The following HPCAL1 variants were observed in gnomAD, a reference collection of about 807,000 sequenced individuals.
HPCAL1 encodes the protein hippocalcin-like protein 1.
HPCAL1 carries 8 observed loss-of-function variants against 17.1 expected under a neutral mutation model. The observed-to-expected ratio is 0.47, with a 90% CI of 0.27 to 0.84. The LOEUF is 0.84. HPCAL1 is among the 40% of genes least tolerant of loss of function. HPCAL1 has a pLI of 0.13. For synonymous variants in HPCAL1, 112 were observed against 111.4 expected (o/e 1.01, Z -0.03); for missense variants, 165 against 271.1 (o/e 0.61, Z 2.75).
chr2:10,412,368 G>A (rs1232053923), intron 2 of HPCAL1, among the ~76,000 whole-genome samples: 3 of 152,222 alleles, frequency 2.0e-5, no homozygotes, highest in East Asian at 1.9e-4. Flanking sequence ...ATTGACTGCA[G>A]GCTGTGGTTC....
chr2:10,422,014 C>G (rs1455030079), intron 3 of HPCAL1, among the ~76,000 whole-genome samples: 2 of 152,120 alleles, frequency 1.3e-5, no homozygotes, highest in African/African-American at 4.8e-5. Context: ...TAACCCTTAC[C>G]CTTTGCAAAT....
At chr2:10,314,099 A>G (rs10210721) in intron 1 of HPCAL1, among the ~76,000 whole-genome samples, 6,483 of 149,528 alleles carry the variant, frequency 0.043, 477 homozygotes, top group African/African-American at 0.15. Context: ...GAGCCACTAC[A>G]CTCCAGCCTG....
intron 1 of HPCAL1, among the ~76,000 whole-genome samples, chr2:10,387,095 G>C (rs1345634317): frequency 6.6e-6 from 1 of 152,242 alleles, no homozygotes; most frequent in African/African-American, 2.4e-5. Context: ...TGGGGGGATG[G>C]TCTGTACCTG....
chr2:10,409,782 T>G (rs371581623), intron 2 of HPCAL1, among the ~76,000 whole-genome samples: 8 of 77,290 alleles, frequency 1.0e-4, no homozygotes, highest in African/African-American at 4.5e-4. Context: ...TCAGTCTTTT[T>G]TTTTTTTTTT....
At position 10,367,164 on chromosome 2, in the gene HPCAL1, A is replaced by G. The variant is rs1263370154; in HGVS notation, c.-110-29671A>G. On this transcript the variant is annotated intron_variant, in intron 1 of 4. Transcript: ENST00000307845. The surrounding 1 kb of genome is among the most constrained non-coding windows in gnomAD (Gnocchi z 4.4). ...CCCATTGCTTTTCCAGTTTATTGTC[A>G]TCTGCTTGGGACTTGAGGGTAACTT... 6.6e-6 allele frequency among the ~76,000 whole-genome samples: 1 copy of G among 151,660 alleles called. No homozygotes were observed. Among genetic ancestry groups the G allele is most frequent in the Non-Finnish European group, 1.5e-5 (1 of 67,952 alleles).
intron 1 of HPCAL1, among the ~76,000 whole-genome samples, chr2:10,366,921 G>A (rs990868665): frequency 2.0e-5 from 3 of 152,152 alleles, no homozygotes; most frequent in Admixed American, 6.5e-5. Flanking sequence ...CCTTGTTTGA[G>A]GAGGCTGTGT....
intron 1 of HPCAL1, among the ~76,000 whole-genome samples, chr2:10,309,745 T>C (rs1472309651): frequency 6.6e-6 from 1 of 152,220 alleles, no homozygotes; most frequent in Non-Finnish European, 1.5e-5. Context: ...GGTGCATTTC[T>C]GATGCATTTC....
In HPCAL1 at chr2:10,402,348, C is replaced by T. The variant is rs544081569; in HGVS notation, c.-25+5428C>T. Among the ~76,000 whole-genome samples, 4 of 152,312 alleles carry T rather than the reference C, an allele frequency of 2.6e-5. No homozygotes were observed. In the Middle Eastern group the frequency reaches 0.01, roughly 389 times the overall value. On this transcript the variant is annotated intron_variant, in intron 2 of 4. Transcript: ENST00000307845. ...GCATGTAAGGGGTGTTCCGTGACTG[C>T]GTGTTGATTACACTTTGTGTGTATG...
At chr2:10,418,801 A>G (rs1317036842) in intron 2 of HPCAL1, among the ~76,000 whole-genome samples, 2 of 152,198 alleles carry the variant, frequency 1.3e-5, no homozygotes, top group East Asian at 1.9e-4. Context: ...TGAGCAGAGC[A>G]GTTCCTCGTT....
intron 2 of HPCAL1, among the ~76,000 whole-genome samples, chr2:10,401,530 T>C (rs1253467085): frequency 2.0e-5 from 3 of 152,028 alleles, no homozygotes. Flanking sequence ...AGTGCCGCGG[T>C]GGCCGAAGAT....
chr2:10,355,172 C>A (rs1279091184), intron 1 of HPCAL1, among the ~76,000 whole-genome samples: 2 of 152,124 alleles, frequency 1.3e-5, no homozygotes, highest in East Asian at 1.9e-4. Flanking sequence ...TTTAACGGGG[C>A]CGGGCGCGGT....
At chr2:10,303,791 G>A (rs1399426475) in intron 1 of HPCAL1, 1 of 152,252 alleles carries the variant, frequency 6.6e-6, no homozygotes, top group Non-Finnish European at 1.5e-5. Context: ...GCCTCCCCGC[G>A]ACCCGCACTG....
chr2:10,312,188 C>T (rs1663012108), intron 1 of HPCAL1, among the ~76,000 whole-genome samples: 1 of 122,140 alleles, frequency 8.2e-6, no homozygotes, highest in African/African-American at 3.0e-5. Flanking sequence ...ATCACCATCA[C>T]CATCATCATC....
chr2:10,335,117 G>A (rs1664639726), intron 1 of HPCAL1, among the ~76,000 whole-genome samples: 1 of 152,186 alleles, frequency 6.6e-6, no homozygotes, highest in Admixed American at 6.5e-5. Flanking sequence ...GCCGCCACTG[G>A]TCCCCACATC....
Position 10,427,161 on chromosome 2 carries a change from G to C in HPCAL1, c.*340G>C, listed in dbSNP as rs1402538256. The stretch of plus-strand genomic sequence containing the variant: ...GCAGGACCTCCCGAGGCTGCGCCCC[G>C]GCCGGCCCATGCGTTTTGTGATCCC... On this transcript the variant is annotated 3_prime_UTR_variant, in exon 5 of 5. Coordinates refer to ENST00000307845, the MANE Select transcript of HPCAL1 (RefSeq NM_002149.4). 1 of 272,482 alleles carries C rather than the reference G, an allele frequency of 3.7e-6. No individual in the cohort carries two copies. Among genetic ancestry groups the C allele is most frequent in the African/African-American group, 2.2e-5 (1 of 45,452 alleles). 16.9% of individuals were successfully genotyped at this position (272,482 alleles called of 1,614,324 possible). A position where few individuals can be genotyped will look rare whatever the true frequency, so the allele number is the denominator to read the frequency against.
At chr2:10,339,830 G>A (rs949454675) in intron 1 of HPCAL1, among the ~76,000 whole-genome samples, 2 of 152,302 alleles carry the variant, frequency 1.3e-5, no homozygotes, top group Non-Finnish European at 2.9e-5. Flanking sequence ...CTGGCGAAAC[G>A]GAGGCCCCAG....
intron 1 of HPCAL1, among the ~76,000 whole-genome samples, chr2:10,340,974 T>C (rs1470218916): frequency 6.6e-6 from 1 of 152,220 alleles, no homozygotes; most frequent in Non-Finnish European, 1.5e-5. Context: ...AATATCATTA[T>C]AAATTCTAGA....
At chr2:10,370,664 T>C (rs1028707569) in intron 1 of HPCAL1, among the ~76,000 whole-genome samples, 24 of 152,200 alleles carry the variant, frequency 1.6e-4, no homozygotes, top group African/African-American at 5.5e-4. Flanking sequence ...ACTGCTGGCA[T>C]TGGCCTTTTG....
At chr2:10,409,786 T>C (rs1338601277) in intron 2 of HPCAL1, among the ~76,000 whole-genome samples, 15 of 95,838 alleles carry the variant, frequency 1.6e-4, no homozygotes, top group African/African-American at 5.3e-4. Context: ...TCTTTTTTTT[T>C]TTTTTTTTTT....
Sources: allele counts gnomAD v4.1 joint callset (sites outside exome capture counted in the v4.1 genomes callset), GRCh38; gene constraint gnomAD v4.1.1; non-coding constraint Gnocchi (gnomAD v3.1); transcripts MANE v1.5; gene names NCBI Gene and HGNC (gene_info 2026-07-23, HGNC 2026-07-21).